Variants in TENM3 observed in about 807,000 individuals in gnomAD.
TENM3 encodes the protein teneurin transmembrane protein 3.
In TENM3, 63 loss-of-function variants were observed where a neutral mutation model predicts 255.1. That is an observed-to-expected ratio of 0.25 (90% CI 0.20 to 0.30). TENM3 has a LOEUF of 0.30. TENM3 is among the 10% of genes least tolerant of loss of function. The probability of loss-of-function intolerance (pLI) is 1.00; values close to 1 mark genes in which losing one functional copy is unlikely to be tolerated. For synonymous variants in TENM3, 1,306 were observed against 1,322.3 expected, an observed-to-expected ratio of 0.99 and a Z score of 0.27; for missense variants, 2,929 against 3,461.1, an observed-to-expected ratio of 0.85 and a Z score of 3.86.
the TENM3 span, among the ~76,000 whole-genome samples, chr4:182,101,097 AGGG>A: frequency 5.9e-4 from 35 of 59,028 alleles, no homozygotes; most frequent in East Asian, 2.4e-3. Context: ...GGAGGGAGGG[AGGG>A]AGGGAGGAAG....
At chr4:181,659,149 A>C in the TENM3 span, among the ~76,000 whole-genome samples, 1 of 152,360 alleles carries the variant, frequency 6.6e-6, no homozygotes, top group South Asian at 2.1e-4. Context: ...TAAAGATAGT[A>C]ATATCAATTA....
At chr4:182,501,032 A>G (rs1429923959) in intron 3 of TENM3, among the ~76,000 whole-genome samples, 1 of 152,030 alleles carries the variant, frequency 6.6e-6, no homozygotes. Context: ...GACTCTTCTA[A>G]CTTTTCTAGA....
the TENM3 span, among the ~76,000 whole-genome samples, chr4:182,083,303 A>G: frequency 6.6e-6 from 1 of 152,208 alleles, no homozygotes; most frequent in Non-Finnish European, 1.5e-5. Context: ...AATCCATCAT[A>G]AAGCATCATT....
the TENM3 span, among the ~76,000 whole-genome samples, chr4:181,873,952 T>C: frequency 6.6e-6 from 1 of 151,910 alleles, no homozygotes; most frequent in South Asian, 2.1e-4. Flanking sequence ...GCCCAGCTAA[T>C]TTTTGTATTT....
intron 3 of TENM3, among the ~76,000 whole-genome samples, chr4:182,561,934 G>A (rs185306074): frequency 1.3e-5 from 2 of 151,554 alleles, no homozygotes; most frequent in Admixed American, 6.6e-5. Flanking sequence ...AAGACATATT[G>A]TGCATATATG....
chr4:181,831,974 G>GTGTGTT, the TENM3 span, among the ~76,000 whole-genome samples: 23 of 66,740 alleles, frequency 3.4e-4, 1 homozygote, highest in Non-Finnish European at 6.3e-5. Flanking sequence ...TACATTGTGT[G>GTGTGTT]TGTGTGTGTG....
At chr4:181,716,545 T>C in the TENM3 span, among the ~76,000 whole-genome samples, 3 of 152,210 alleles carry the variant, frequency 2.0e-5, no homozygotes, top group Non-Finnish European at 2.9e-5. Flanking sequence ...TTCCTGGGTT[T>C]GAATCCCAGA....
intron 3 of TENM3, among the ~76,000 whole-genome samples, chr4:182,437,439 A>G (rs1371003294): frequency 6.6e-6 from 1 of 152,118 alleles, no homozygotes; most frequent in African/African-American, 2.4e-5. Flanking sequence ...CCTTGAGCCT[A>G]GGAGTTCAAG....
At chr4:181,699,569 T>A in the TENM3 span, among the ~76,000 whole-genome samples, 1 of 151,844 alleles carries the variant, frequency 6.6e-6, no homozygotes, top group Non-Finnish European at 1.5e-5. Flanking sequence ...TTTTCACATT[T>A]GAGATACATA....
intron 13 of TENM3, among the ~76,000 whole-genome samples, 191 bp downstream of exon 13, chr4:182,714,424 C>A (rs1758999706): frequency 6.6e-6 from 1 of 150,858 alleles, no homozygotes; most frequent in African/African-American, 2.4e-5. Context: ...GAAACAAATG[C>A]AAGATTATTA....
At chr4:182,410,311 A>G (rs1769895803) in intron 3 of TENM3, among the ~76,000 whole-genome samples, 1 of 152,244 alleles carries the variant, frequency 6.6e-6, no homozygotes, top group African/African-American at 2.4e-5. Flanking sequence ...TCTGGTTCTG[A>G]AAATGGCGCA....
intron 19 of TENM3, among the ~76,000 whole-genome samples, chr4:182,749,363 A>G (rs1343244460): frequency 6.6e-6 from 1 of 152,216 alleles, no homozygotes; most frequent in Non-Finnish European, 1.5e-5. Flanking sequence ...AACCTAAACC[A>G]AGTTTAAACC....
chr4:181,578,101 A>T, the TENM3 span, among the ~76,000 whole-genome samples: 1 of 152,202 alleles, frequency 6.6e-6, no homozygotes, highest in Non-Finnish European at 1.5e-5. Context: ...TGGCTGGATC[A>T]GGCCCATGAA....
chr4:182,553,408 T>C (rs1742262241), intron 3 of TENM3, among the ~76,000 whole-genome samples: 1 of 149,292 alleles, frequency 6.7e-6, no homozygotes, highest in Non-Finnish European at 1.5e-5. Context: ...AGGGATAGCA[T>C]TAGGAGATAT....
chr4:182,109,039 C>T, the TENM3 span, among the ~76,000 whole-genome samples: 4 of 151,546 alleles, frequency 2.6e-5, no homozygotes, highest in Non-Finnish European at 2.9e-5. Flanking sequence ...CATATTAGGC[C>T]TCAATTCTAC....
intron 1 of TENM3, among the ~76,000 whole-genome samples, chr4:182,309,237 G>A (rs1437561683): frequency 1.3e-5 from 2 of 152,186 alleles, no homozygotes; most frequent in African/African-American, 2.4e-5. Context: ...CATTCGCATC[G>A]CTGAGTGCGA....
At chr4:181,508,965 T>C in the TENM3 span, among the ~76,000 whole-genome samples, 1 of 124,428 alleles carries the variant, frequency 8.0e-6, no homozygotes, top group African/African-American at 3.3e-5. Flanking sequence ...GCTAACAAAA[T>C]TGAGCAGCAC....
At chr4:182,448,819 G>A (rs911335938) in intron 3 of TENM3, among the ~76,000 whole-genome samples, 8 of 150,808 alleles carry the variant, frequency 5.3e-5, no homozygotes, top group African/African-American at 1.7e-4. Flanking sequence ...GGTGAGGCGA[G>A]GGGGTGAGGC....
the TENM3 span, among the ~76,000 whole-genome samples, chr4:181,998,458 T>TC: frequency 6.6e-6 from 1 of 152,148 alleles, no homozygotes; most frequent in Admixed American, 6.6e-5. Flanking sequence ...AGACATTGTT[T>TC]CCCCCGTACC....
Sources: gnomAD v4.1 joint callset for allele counts (sites outside exome capture counted in the v4.1 genomes callset) on GRCh38, gnomAD v4.1.1 for gene constraint, MANE v1.5 for transcripts, NCBI Gene and HGNC (gene_info 2026-07-23, HGNC 2026-07-21) for gene names.